OCA2: variants seen among roughly 807,000 people sequenced by gnomAD.
The protein encoded by OCA2 is P protein.
In OCA2, 77 loss-of-function variants were observed where a neutral mutation model predicts 100.2. The ratio of observed to expected loss-of-function variants is 0.77; its 90% CI spans 0.64 to 0.93. The LOEUF (loss-of-function observed/expected upper bound fraction) is 0.93. OCA2 is among the 40% of genes least tolerant of loss of function. OCA2 has a pLI of 0.00. For missense variants in OCA2, 1,062 were observed against 1,089.1 expected (o/e 0.98, Z 0.35); for synonymous variants, 432 against 439.2 (o/e 0.98, Z 0.21).
chr15:27,882,763 T>C (rs2037072770), intron 19 of OCA2, among the ~76,000 whole-genome samples: 1 of 152,164 alleles, frequency 6.6e-6, no homozygotes, highest in South Asian at 2.1e-4. Context: ...AGGGAAGTGG[T>C]TCAAATTCAA....
At chr15:27,792,385 C>G (rs973041331) in intron 23 of OCA2, among the ~76,000 whole-genome samples, 3 of 152,120 alleles carry the variant, frequency 2.0e-5, no homozygotes, top group African/African-American at 7.2e-5. Flanking sequence ...CTTGCCCAAC[C>G]AACTTTCCTT....
rs1474905693 is a variant in OCA2 at position 27,976,401 on chromosome 15, T to A, written c.1503+6944A>T. On this transcript the variant is annotated intron_variant, in intron 14 of 23. Transcript: ENST00000354638. ...ATGATGCTAGCTATAGATTCTCAGA[T>A]GTTCTTTATTGGGTTGATGAATTTC... Among the ~76,000 whole-genome samples, 3 of 152,192 alleles carry A rather than the reference T, an allele frequency of 2.0e-5. No homozygotes were observed. In the South Asian group the frequency reaches 6.2e-4, roughly 31 times the overall value.
At chr15:28,039,231 T>C (rs1200749886) in intron 2 of OCA2, among the ~76,000 whole-genome samples, 1 of 152,142 alleles carries the variant, frequency 6.6e-6, no homozygotes, top group Non-Finnish European at 1.5e-5. Context: ...CTGTTAATAA[T>C]GGATAGTATA....
chr15:27,813,997 T>C (rs2034180585), intron 23 of OCA2, among the ~76,000 whole-genome samples: 3 of 152,186 alleles, frequency 2.0e-5, no homozygotes, highest in Non-Finnish European at 1.5e-5. Context: ...AACAGGGTAA[T>C]TGGAATACCC....
Position 27,985,165 on chromosome 15 carries a change from C to T in OCA2, c.1263G>A (p.Arg421=). The stretch of plus-strand genomic sequence containing the variant: ...AGAGCATGATGATCATGGCCCACAC[C>T]CGTCCCCGGGAGAGCCGGTATGCCT... ...AVKAYRLSRG[R]VWAMIIMLCL... is the part of the protein sequence containing the mutation. The change falls in exon 13 of 24, where the codon CGG becomes CGA. Residue 421 remains arginine, a synonymous_variant. Coordinates refer to ENST00000354638, the MANE Select transcript of OCA2 (RefSeq NM_000275.3). The T allele has an allele frequency of 1.2e-6, 2 of 1,613,884 alleles. No individual in the cohort carries two copies. Among genetic ancestry groups the T allele is most frequent in the Non-Finnish European group, 8.5e-7 (1 of 1,179,968 alleles).
chr15:28,034,732 G>A (rs920548401), intron 2 of OCA2, among the ~76,000 whole-genome samples: 6 of 152,042 alleles, frequency 3.9e-5, no homozygotes, highest in Admixed American at 1.3e-4. Context: ...AGCTGAGGTT[G>A]TGCTACTGCA....
At chr15:27,934,545 C>T (rs2039380969) in intron 18 of OCA2, among the ~76,000 whole-genome samples, 2 of 152,124 alleles carry the variant, frequency 1.3e-5, no homozygotes, top group South Asian at 2.1e-4. Flanking sequence ...AGCTTTTTGA[C>T]CCCAGAAATG....
intron 19 of OCA2, among the ~76,000 whole-genome samples, chr15:27,891,600 C>T (rs1350114136): frequency 6.6e-6 from 1 of 152,148 alleles, no homozygotes; most frequent in East Asian, 1.9e-4. Context: ...TAATACAATG[C>T]CTATGCATCT....
the OCA2 span, among the ~76,000 whole-genome samples, chr15:27,743,572 T>C: frequency 6.6e-6 from 1 of 152,092 alleles, no homozygotes; most frequent in East Asian, 1.9e-4. Flanking sequence ...TCTGTCCATA[T>C]CACAGATGGT....
chr15:28,017,290 TG>T (rs930913550), intron 7 of OCA2, among the ~76,000 whole-genome samples: 21 of 152,254 alleles, frequency 1.4e-4, no homozygotes, highest in African/African-American at 5.1e-4. Flanking sequence ...GATTTGCCTG[TG>T]GGCATTTTGG....
intron 14 of OCA2, among the ~76,000 whole-genome samples, chr15:27,977,785 A>G (rs1396577248): frequency 1.3e-5 from 2 of 152,186 alleles, no homozygotes; most frequent in African/African-American, 4.8e-5. Flanking sequence ...TAATGCCTGT[A>G]TAAGAAGAGA....
intron 2 of OCA2, 130 bp from the exon 3 acceptor site, chr15:28,032,293 G>T: frequency 7.8e-6 from 6 of 767,926 alleles, no homozygotes; most frequent in South Asian, 5.7e-5. Flanking sequence ...TTTGCCTAAG[G>T]GTCTGTCTGA....
downstream of OCA2, among the ~76,000 whole-genome samples, chr15:27,754,661 T>C (rs1279756719): frequency 6.6e-6 from 1 of 152,114 alleles, no homozygotes; most frequent in Non-Finnish European, 1.5e-5. Flanking sequence ...GGGTATCGAG[T>C]GTACGTCTGT....
At chr15:27,775,882 C>G (rs2032182754) in intron 23 of OCA2, among the ~76,000 whole-genome samples, 1 of 152,220 alleles carries the variant, frequency 6.6e-6, no homozygotes, top group Non-Finnish European at 1.5e-5. Flanking sequence ...TAACTAACCA[C>G]CTTGTAAAGG....
chr15:27,746,775 G>T, the OCA2 span, among the ~76,000 whole-genome samples: 2 of 152,108 alleles, frequency 1.3e-5, no homozygotes, highest in African/African-American at 4.8e-5. Context: ...TACCATTTTT[G>T]GACAGTGGGA....
chr15:28,049,631 A>G (rs1453101891), intron 2 of OCA2, among the ~76,000 whole-genome samples: 1 of 152,260 alleles, frequency 6.6e-6, no homozygotes, highest in Admixed American at 6.5e-5. Flanking sequence ...ATTTACTCAT[A>G]AAAGGAATGA....
At chr15:27,754,855 A>G (rs1233637189), downstream of OCA2, 3 of 167,484 alleles carry the variant, frequency 1.8e-5, no homozygotes, top group African/African-American at 7.2e-5. Flanking sequence ...ATTTTACATA[A>G]TGTAAACTAC....
At chr15:27,970,369 T>C (rs1034695423) in intron 14 of OCA2, among the ~76,000 whole-genome samples, 5 of 151,324 alleles carry the variant, frequency 3.3e-5, no homozygotes, top group African/African-American at 9.7e-5. Flanking sequence ...AGAGACACTG[T>C]CTCAATTAAC....
chr15:27,926,264 A>T lies in OCA2; in HGVS notation c.1952-10T>A, dbSNP rs2039039726. ...AGAATAGCAATCCATCCTGAAAATAAGTAAATAGACATAGAGATATAGTTC... is the reference window on the plus strand; with the variant it reads ...AGAATAGCAATCCATCCTGAAAATATGTAAATAGACATAGAGATATAGTTC... On this transcript the variant is annotated splice_polypyrimidine_tract_variant and intron_variant, in intron 18 of 23. Coordinates refer to ENST00000354638, the MANE Select transcript of OCA2 (RefSeq NM_000275.3). 1.9e-6 allele frequency: 3 copies of T among 1,613,934 alleles called. No individual in the cohort carries two copies. Among genetic ancestry groups the T allele is most frequent in the Non-Finnish European group, 2.5e-6 (3 of 1,179,808 alleles).
Sources: allele counts gnomAD v4.1 joint callset (sites outside exome capture counted in the v4.1 genomes callset), GRCh38; gene constraint gnomAD v4.1.1; transcripts MANE v1.5; gene names NCBI Gene and HGNC (gene_info 2026-07-23, HGNC 2026-07-21).